WIPF1: variants seen among roughly 807,000 people sequenced by gnomAD.
The protein encoded by WIPF1 is WAS/WASL interacting protein family member 1.
WIPF1 carries 13 observed loss-of-function variants against 35.4 expected under a neutral mutation model. The observed-to-expected ratio is 0.37, with a 90% CI of 0.24 to 0.58. The LOEUF is 0.58. Ranked by LOEUF, WIPF1 falls within the 20% of genes least tolerant of loss-of-function variation. The pLI is 0.74. For synonymous variants in WIPF1, 267 were observed against 266.3 expected (o/e 1.00, Z -0.02); for missense variants, 591 against 667.0 (o/e 0.89, Z 1.25).
chr2:174,631,725 C>A (rs11892656), intron 1 of WIPF1, among the ~76,000 whole-genome samples: 1 of 152,150 alleles, frequency 6.6e-6, no homozygotes, highest in African/African-American at 2.4e-5. Flanking sequence ...AATCCAGAGA[C>A]CTGGGCCTCC....
intron 1 of WIPF1, among the ~76,000 whole-genome samples, chr2:174,678,080 G>T (rs1405048528): frequency 1.3e-5 from 2 of 152,252 alleles, no homozygotes; most frequent in East Asian, 3.9e-4. Context: ...TACAGAAAGG[G>T]AAAGAGGGAG....
At chr2:174,664,910 G>A (rs1276929190) in intron 1 of WIPF1, among the ~76,000 whole-genome samples, 1 of 152,076 alleles carries the variant, frequency 6.6e-6, no homozygotes, top group Non-Finnish European at 1.5e-5. Flanking sequence ...TGGAATTACA[G>A]GTATGAGCCA....
intron 2 of WIPF1, among the ~76,000 whole-genome samples, chr2:174,582,782 G>A (rs776327050): frequency 6.6e-6 from 1 of 152,216 alleles, no homozygotes; most frequent in Non-Finnish European, 1.5e-5. Context: ...AAACCCTGAA[G>A]TAGGCTAACC....
At chr2:174,603,495 G>C (rs1686067811) in intron 1 of WIPF1, among the ~76,000 whole-genome samples, 2 of 152,186 alleles carry the variant, frequency 1.3e-5, no homozygotes, top group African/African-American at 2.4e-5. Context: ...AGCTAGTTAT[G>C]CTGCCACCTA....
At chr2:174,602,227 C>A (rs1443881957), upstream of WIPF1, among the ~76,000 whole-genome samples, 2 of 152,040 alleles carry the variant, frequency 1.3e-5, no homozygotes, top group Non-Finnish European at 1.5e-5. Flanking sequence ...AAATAAAAAA[C>A]CAAGAGCAGG....
chr2:174,623,972 C>A (rs1304256481), intron 1 of WIPF1, among the ~76,000 whole-genome samples: 30 of 152,056 alleles, frequency 2.0e-4, no homozygotes, highest in Non-Finnish European at 4.4e-5. Flanking sequence ...TCCTCACATA[C>A]CCCTGGAATC....
At chr2:174,614,150 G>A (rs1430184) in intron 1 of WIPF1, among the ~76,000 whole-genome samples, 2,923 of 152,260 alleles carry the variant, frequency 0.019, 66 homozygotes, top group South Asian at 0.11. Flanking sequence ...GTTAAGAAAC[G>A]GGGATTAATA....
At chr2:174,581,246 G>A (rs898888664) in intron 3 of WIPF1, 64 bp downstream of exon 3, 24 of 1,594,598 alleles carry the variant, frequency 1.5e-5, no homozygotes, top group South Asian at 2.3e-5. Flanking sequence ...GAGTGGTGAG[G>A]GTAGGGTTGA....
rs767629951 is a variant in WIPF1, at chr2:174,572,031, C to T, written c.774G>A (p.Arg258=). Residue 258 remains arginine (R), a synonymous_variant, in exon 5 of 8, where the codon AGG becomes AGA. Coordinates refer to ENST00000679041, the MANE Select transcript of WIPF1 (RefSeq NM_001375834.1). The part of the protein sequence containing the change: ...NRPPLPPTPS[R]ALDDKPPPPP... ...GTGGAGGGGGTTTGTCATCCAAGGC[C>T]CTGCTGGGGGTAGGCGGCAGGGGAG... 2 of 1,548,396 alleles carry T rather than the reference C, an allele frequency of 1.3e-6. No individual in the cohort carries two copies. Among genetic ancestry groups the T allele is most frequent in the South Asian group, 2.5e-5 (2 of 79,402 alleles).
At chr2:174,674,270 C>T (rs1240521938) in intron 1 of WIPF1, among the ~76,000 whole-genome samples, 1 of 152,224 alleles carries the variant, frequency 6.6e-6, no homozygotes, top group South Asian at 2.1e-4. Context: ...TAATTCAGCA[C>T]AATTTATAAC....
chr2:174,617,332 T>A lies in WIPF1; in HGVS notation c.-38-31721A>T, dbSNP rs142263890. On this transcript the variant is annotated intron_variant, in intron 1 of 8. Coordinates refer to the WIPF1 transcript ENST00000272746. ...ACACATTGAGCAATAAGGGTTAGAA[T>A]ACTTTGTGTTCAATGTTTCCAGTGC... 4.8e-3 allele frequency among the ~76,000 whole-genome samples: 738 copies of A among 152,316 alleles called. 18 individuals are homozygous for A. In the South Asian group the frequency reaches 0.064, roughly 13 times the overall value.
chr2:174,563,221 A>G (rs1684541786), intron 7 of WIPF1, among the ~76,000 whole-genome samples: 1 of 152,226 alleles, frequency 6.6e-6, no homozygotes, highest in African/African-American at 2.4e-5. Context: ...TTGCAGTTTC[A>G]TAAAAGTTAG....
intron 1 of WIPF1, among the ~76,000 whole-genome samples, chr2:174,642,908 A>C (rs1178082823): frequency 6.7e-6 from 1 of 149,598 alleles, no homozygotes; most frequent in East Asian, 1.9e-4. Context: ...CAGTCCTTTT[A>C]AATAAAAGCC....
intron 1 of WIPF1, among the ~76,000 whole-genome samples, chr2:174,626,627 C>T (rs766336494): frequency 6.6e-6 from 1 of 152,190 alleles, no homozygotes; most frequent in Non-Finnish European, 1.5e-5. Flanking sequence ...TCTTACTACA[C>T]TTAGGCCACT....
intron 1 of WIPF1, among the ~76,000 whole-genome samples, chr2:174,662,368 C>T (rs1392648814): frequency 6.6e-6 from 1 of 152,138 alleles, no homozygotes; most frequent in Non-Finnish European, 1.5e-5. Flanking sequence ...CCCCATACAT[C>T]GGTGAGGCCT....
chr2:174,615,540 T>C (rs565249986), intron 1 of WIPF1, among the ~76,000 whole-genome samples: 1 of 152,338 alleles, frequency 6.6e-6, no homozygotes, highest in South Asian at 2.1e-4. Flanking sequence ...GAAATATTTA[T>C]AAAATATGTT....
At chr2:174,675,439 C>T (rs1688109441) in intron 1 of WIPF1, among the ~76,000 whole-genome samples, 2 of 152,086 alleles carry the variant, frequency 1.3e-5, no homozygotes, top group African/African-American at 4.8e-5. Flanking sequence ...TTACTATAAC[C>T]TTAAACTCCT....
Position 174,661,063 on chromosome 2 carries a change from C to T in WIPF1, c.-39+21711G>A, listed in dbSNP as rs567663747. On this transcript the variant is annotated intron_variant, in intron 1 of 8. Transcript: ENST00000272746. The stretch of plus-strand genomic sequence containing the variant: ...CATTGCACTGCAGTCCGGCTCACAG[C>T]AGACTGATTCACCCATCCTTTGAAT... 2.0e-5 allele frequency among the ~76,000 whole-genome samples: 3 copies of T among 152,336 alleles called. No individual in the cohort carries two copies. In the East Asian group the frequency reaches 5.8e-4, roughly 29 times the overall value.
intron 1 of WIPF1, chr2:174,665,749 T>G (rs971782605): frequency 6.6e-6 from 1 of 152,182 alleles, no homozygotes; most frequent in African/African-American, 2.4e-5. Context: ...CAATGAAAAA[T>G]GTATTTCTTA....
Sources: allele counts gnomAD v4.1 joint callset (sites outside exome capture counted in the v4.1 genomes callset), GRCh38; gene constraint gnomAD v4.1.1; transcripts MANE v1.5; gene names NCBI Gene and HGNC (gene_info 2026-07-23, HGNC 2026-07-21).